The following STMN2 variants were observed in gnomAD, a reference collection of about 807,000 sequenced individuals.
STMN2 encodes the protein stathmin 2.
STMN2 carries 2 observed loss-of-function variants against 24.1 expected under a neutral mutation model. The observed-to-expected ratio is 0.08, with a 90% CI of 0.03 to 0.26. The LOEUF (loss-of-function observed/expected upper bound fraction) is 0.26. STMN2 is among the 10% of genes least tolerant of loss of function. The pLI, the probability that STMN2 is intolerant of heterozygous loss-of-function variation, is 1.00. For missense variants in STMN2, 114 were observed against 213.6 expected (o/e 0.53, Z 2.91); for synonymous variants, 83 against 77.5 (o/e 1.07, Z -0.37).
chr8:79,647,358 C>CTT (rs1475567300), intron 3 of STMN2, among the ~76,000 whole-genome samples: 1 of 152,122 alleles, frequency 6.6e-6, no homozygotes, highest in Non-Finnish European at 1.5e-5. Context: ...TCTGTTAGGG[C>CTT]TTTTTAAATT....
chr8:79,627,641 A>G (rs903876098), intron 1 of STMN2, among the ~76,000 whole-genome samples: 1 of 152,252 alleles, frequency 6.6e-6, no homozygotes, highest in Non-Finnish European at 1.5e-5. Context: ...AATTCAAGAC[A>G]TTAATTTCTT....
chr8:79,641,643 C>T lies in STMN2; in HGVS notation c.288+93C>T, dbSNP rs1281472088. The T allele has an allele frequency of 1.2e-3, 822 of 712,486 alleles. 4 individuals carry two copies. In the African/African-American group the frequency reaches 0.014, roughly 12 times the overall value. 44.1% of individuals were successfully genotyped at this position (712,486 alleles called of 1,614,324 possible). A position where few individuals can be genotyped will look rare whatever the true frequency, so the allele number is the denominator to read the frequency against. On this transcript the variant is annotated intron_variant, in intron 3 of 4. Transcript: ENST00000220876. The stretch of plus-strand genomic sequence containing the variant: ...ACACATGCACGCACACACACACACA[C>T]ACACACACACACACACACACACACA...
chr8:79,621,068 A>T, intron 1 of STMN2: 4 of 970,368 alleles, frequency 4.1e-6, no homozygotes, highest in Non-Finnish European at 4.9e-6. Flanking sequence ...AGTCCCCATC[A>T]GCTCTGCCCT....
intron 3 of STMN2, among the ~76,000 whole-genome samples, chr8:79,650,418 C>T (rs1810310011): frequency 6.6e-6 from 1 of 152,142 alleles, no homozygotes; most frequent in Non-Finnish European, 1.5e-5. Context: ...GAAAATGCTG[C>T]CACTTTTGTA....
At chr8:79,637,221 T>C (rs1416697662) in intron 2 of STMN2, among the ~76,000 whole-genome samples, 1 of 152,152 alleles carries the variant, frequency 6.6e-6, no homozygotes, top group Non-Finnish European at 1.5e-5. Flanking sequence ...TTGGAGTAGA[T>C]CATAATTTGT....
At chr8:79,657,949 C>T (rs1287310224) in intron 4 of STMN2, among the ~76,000 whole-genome samples, 1 of 152,170 alleles carries the variant, frequency 6.6e-6, no homozygotes, top group Non-Finnish European at 1.5e-5. Flanking sequence ...AGCCAAAAGG[C>T]ATGACACTGC....
chr8:79,617,180 A>G (rs1000210618), intron 1 of STMN2, among the ~76,000 whole-genome samples: 4 of 152,184 alleles, frequency 2.6e-5, no homozygotes, highest in Admixed American at 6.5e-5. Flanking sequence ...CTGCTTATCT[A>G]AGCCAATAAA....
chr8:79,652,783 T>A (rs7001019), intron 3 of STMN2, among the ~76,000 whole-genome samples: 40,451 of 151,704 alleles, frequency 0.27, 5,479 homozygotes, highest in South Asian at 0.35. Context: ...ACCAAAAAAA[T>A]TAATTTCATG....
chr8:79,620,253 TATAA>T (rs954261671), intron 1 of STMN2, among the ~76,000 whole-genome samples: 8 of 149,554 alleles, frequency 5.3e-5, no homozygotes, highest in South Asian at 2.1e-4. Flanking sequence ...ATATGTAATA[TATAA>T]ATATGTTATA....
chr8:79,654,589 T>C (rs1237829656), intron 3 of STMN2, among the ~76,000 whole-genome samples: 1 of 152,134 alleles, frequency 6.6e-6, no homozygotes, highest in Admixed American at 6.5e-5. Context: ...CAACAAAGCC[T>C]TTTTTTAAAA....
intron 3 of STMN2, among the ~76,000 whole-genome samples, chr8:79,652,931 A>G (rs1810366029): frequency 6.6e-6 from 1 of 152,154 alleles, no homozygotes; most frequent in Admixed American, 6.5e-5. Flanking sequence ...TAGAGGCAGG[A>G]GAGTGAACCA....
intron 4 of STMN2, among the ~76,000 whole-genome samples, chr8:79,661,648 C>A (rs1806503616): frequency 6.6e-6 from 1 of 152,054 alleles, no homozygotes; most frequent in Non-Finnish European, 1.5e-5. Flanking sequence ...TTCATCCAAA[C>A]AACAACCTAA....
chr8:79,611,165 C>A lies in STMN2; in HGVS notation c.-31C>A. ...CTGCTGTAGCCGGACCCTTTGCCTT[C>A]GCCACTGCTCAGCGTCTGCACATCC... On this transcript the variant is annotated 5_prime_UTR_variant, in exon 1 of 5. Coordinates refer to ENST00000220876, the MANE Select transcript of STMN2 (RefSeq NM_007029.4). 6.2e-7 allele frequency: 1 copy of A among 1,613,974 alleles called. No homozygotes were observed. Among genetic ancestry groups the A allele is most frequent in the Non-Finnish European group, 8.5e-7 (1 of 1,180,020 alleles).
chr8:79,634,016 G>A (rs993375424), intron 1 of STMN2, among the ~76,000 whole-genome samples: 2 of 152,172 alleles, frequency 1.3e-5, no homozygotes, highest in South Asian at 2.1e-4. Flanking sequence ...TACTTTGTGA[G>A]ATGGAAAATC....
At chr8:79,663,138 C>T in intron 4 of STMN2, among the ~76,000 whole-genome samples, 1 of 152,156 alleles carries the variant, frequency 6.6e-6, no homozygotes, top group Non-Finnish European at 1.5e-5. Context: ...CTGCTTACTC[C>T]AACTCTGTAT....
At chr8:79,653,349 C>T (rs1332977003) in intron 3 of STMN2, among the ~76,000 whole-genome samples, 1 of 152,144 alleles carries the variant, frequency 6.6e-6, no homozygotes, top group African/African-American at 2.4e-5. Flanking sequence ...TGTACTTCTG[C>T]CTGGGTGACA....
chr8:79,652,939 C>G (rs995542042), intron 3 of STMN2, among the ~76,000 whole-genome samples: 1 of 151,908 alleles, frequency 6.6e-6, no homozygotes, highest in Non-Finnish European at 1.5e-5. Flanking sequence ...GGAGAGTGAA[C>G]CAGCTAGAAA....
At chr8:79,663,634 G>T (rs1242391553) in intron 4 of STMN2, 2 of 1,530,214 alleles carry the variant, frequency 1.3e-6, no homozygotes, top group South Asian at 2.4e-5. Context: ...TCAATTTCTG[G>T]AGCTTCAGAG....
chr8:79,614,168 G>C (rs1477581560), intron 1 of STMN2, among the ~76,000 whole-genome samples: 1 of 151,912 alleles, frequency 6.6e-6, no homozygotes, highest in Non-Finnish European at 1.5e-5. Flanking sequence ...ATCCTTTCTG[G>C]CCATAATTTA....
Sources: gnomAD v4.1 joint callset for allele counts (sites outside exome capture counted in the v4.1 genomes callset) on GRCh38, gnomAD v4.1.1 for gene constraint, MANE v1.5 for transcripts, NCBI Gene and HGNC (gene_info 2026-07-23, HGNC 2026-07-21) for gene names.